Variants in TET1 observed in about 807,000 individuals in gnomAD.
The protein encoded by TET1 is tet methylcytosine dioxygenase 1.
Under a neutral mutation model 148.7 loss-of-function variants are expected in TET1, and 13 were observed. That is an observed-to-expected ratio of 0.09 (90% confidence interval 0.06 to 0.14). TET1 has a LOEUF of 0.14. TET1 is among the 10% of genes least tolerant of loss of function. TET1 has a pLI of 1.00. For synonymous variants in TET1, 907 were observed against 937.2 expected (o/e 0.97, Z 0.59); for missense variants, 2,182 against 2,553.8 (o/e 0.85, Z 3.14).
chr10:68,662,912 C>T (rs1272005984), intron 6 of TET1, among the ~76,000 whole-genome samples: 2 of 152,162 alleles, frequency 1.3e-5, no homozygotes, highest in Non-Finnish European at 2.9e-5. Flanking sequence ...CATAGTGAGA[C>T]ACTGTCTCCA....
rs887059652 is a variant in TET1, at chr10:68,692,311, A to G, written c.*497A>G. 8.6e-6 allele frequency: 2 copies of G among 232,670 alleles called. No homozygotes were observed. The highest frequency in any genetic ancestry group is 1.7e-5 in the Non-Finnish European group (2 of 117,616). 14.4% of individuals were successfully genotyped at this position (232,670 alleles called of 1,614,324 possible). ...TTCCAATCATTGCTAGAAAATTGGC[A>G]TATTCCTTTGAAATAAACTTATGAA... is the stretch of plus-strand genomic sequence containing the variant. On this transcript the variant is annotated 3_prime_UTR_variant, in exon 12 of 12. Transcript: ENST00000373644.
At position 68,644,717 on chromosome 10, in the gene TET1, C is replaced by T; in HGVS notation, c.1988C>T (p.Pro663Leu). Residue 663 changes from proline to leucine, a missense_variant, in exon 4 of 12, where the codon CCA becomes CTA. This residue lies in a region of TET1 where 226 missense variants were observed against 307.4 expected (regional missense o/e 0.74). Coordinates refer to ENST00000373644, the MANE Select transcript of TET1 (RefSeq NM_030625.3). ...TTACAGGCAGATTTTGACAACAAAC[C>T]AGTAAATGGCCCCAAGTCAGAATCC... Reference protein sequence around the residue: ...KVLKADFDNKPVNGPKSESMD... With the variant: ...KVLKADFDNKLVNGPKSESMD... 3 of 1,565,186 alleles carry T rather than the reference C, an allele frequency of 1.9e-6. No homozygotes were observed. Among genetic ancestry groups the T allele is most frequent in the African/African-American group, 2.8e-5 (2 of 72,710 alleles).
Position 68,692,813 on chromosome 10 carries a change from G to A in TET1, c.*999G>A. Reference sequence around the variant, plus strand: ...ACCTTTCTCAGTATAATCCATGAGAGGTGTTTCCAAAAGGAGATGAGGGAA... The same window carrying A: ...ACCTTTCTCAGTATAATCCATGAGAAGTGTTTCCAAAAGGAGATGAGGGAA... On this transcript the variant is annotated 3_prime_UTR_variant, in exon 12 of 12. Coordinates refer to ENST00000373644, the MANE Select transcript of TET1 (RefSeq NM_030625.3). 4.3e-6 allele frequency: 1 copy of A among 231,512 alleles called. No homozygotes were observed. The highest frequency in any genetic ancestry group is 8.5e-6 in the Non-Finnish European group (1 of 117,162). 14.3% of individuals were successfully genotyped at this position (231,512 alleles called of 1,614,324 possible).
chr10:68,567,243 A>AT (rs753982306), intron 1 of TET1, among the ~76,000 whole-genome samples: 1 of 152,200 alleles, frequency 6.6e-6, no homozygotes, highest in Non-Finnish European at 1.5e-5. Context: ...TCAGCTAAGT[A>AT]GTTCTCTGAA....
At chr10:68,578,876 G>C (rs1195786010) in intron 2 of TET1, among the ~76,000 whole-genome samples, 1 of 152,082 alleles carries the variant, frequency 6.6e-6, no homozygotes, top group Non-Finnish European at 1.5e-5. Flanking sequence ...AATTTGCCGG[G>C]CGTGATAGCT....
intron 2 of TET1, among the ~76,000 whole-genome samples, chr10:68,592,565 T>C (rs184124492): frequency 8.5e-5 from 13 of 152,204 alleles, no homozygotes; most frequent in Admixed American, 8.5e-4. Context: ...GTAACCTTGC[T>C]ACCCAAGTGG....
intron 6 of TET1, among the ~76,000 whole-genome samples, chr10:68,665,013 CCT>C (rs1188277829): frequency 6.6e-6 from 1 of 151,976 alleles, no homozygotes; most frequent in East Asian, 1.9e-4. Context: ...CTCAAGCAAT[CCT>C]CTCACCTCTA....
chr10:68,640,023 G>A (rs935846604), intron 3 of TET1, among the ~76,000 whole-genome samples: 1 of 151,732 alleles, frequency 6.6e-6, no homozygotes, highest in Non-Finnish European at 1.5e-5. Flanking sequence ...CTCCTCCCGA[G>A]TTCAAGCGAT....
intron 6 of TET1, among the ~76,000 whole-genome samples, chr10:68,660,851 A>G (rs2055098384): frequency 1.3e-5 from 2 of 151,258 alleles, no homozygotes; most frequent in Admixed American, 6.6e-5. Flanking sequence ...TTTAGTAGAC[A>G]TGGGGTTTCA....
At chr10:68,598,663 A>G (rs2054014827) in intron 2 of TET1, among the ~76,000 whole-genome samples, 2 of 150,964 alleles carry the variant, frequency 1.3e-5, no homozygotes, top group African/African-American at 4.9e-5. Context: ...AGAGTTGAGA[A>G]CACCATATTC....
At chr10:68,681,361 C>G (rs369072213) in intron 8 of TET1, 38 bp from the exon 9 acceptor site, 1 of 1,365,772 alleles carries the variant, frequency 7.3e-7, no homozygotes, top group Non-Finnish European at 1.0e-6. Context: ...CATGAAGGTG[C>G]GATTATAAAA....
Position 68,692,668 on chromosome 10 carries a change from T to C in TET1, c.*854T>C. 4.3e-6 allele frequency: 1 copy of C among 231,596 alleles called. No individual in the cohort carries two copies. The highest frequency in any genetic ancestry group is 8.6e-6 in the Non-Finnish European group (1 of 116,924). 14.3% of individuals were successfully genotyped at this position (231,596 alleles called of 1,614,324 possible). A position where few individuals can be genotyped will look rare whatever the true frequency, so the allele number is the denominator to read the frequency against. On this transcript the variant is annotated 3_prime_UTR_variant, in exon 12 of 12. Transcript: ENST00000373644. ...TATAAAATAGTTAGATAATGAGAAGTTGTTAATTATCTCTAAAATTGGAAT... is the reference window on the plus strand; with the variant it reads ...TATAAAATAGTTAGATAATGAGAAGCTGTTAATTATCTCTAAAATTGGAAT...
In TET1 at chr10:68,624,698, T is replaced by TTC. The variant is rs1475981426; in HGVS notation, c.1969-19998_1969-19997dup. Among the ~76,000 whole-genome samples the TTC allele has an allele frequency of 2.5e-5, 3 of 119,278 alleles. No homozygotes were observed. In the East Asian group the frequency reaches 7.5e-4, roughly 30 times the overall value. 78.3% of individuals were successfully genotyped at this position (119,278 alleles called of 152,430 possible). A position where few individuals can be genotyped will look rare whatever the true frequency, so the allele number is the denominator to read the frequency against. On this transcript the variant is annotated intron_variant, in intron 3 of 11. Coordinates refer to ENST00000373644, the MANE Select transcript of TET1 (RefSeq NM_030625.3). Reference sequence around the variant, plus strand: ...TCTCTCTCTCTCTCTCTCTCTCTCTTTCTTTCTTTTCCTTCCTTCTTTCTT... The same window carrying TTC: ...TCTCTCTCTCTCTCTCTCTCTCTCTTTCTCTTTCTTTTCCTTCCTTCTTTCTT...
intron 2 of TET1, among the ~76,000 whole-genome samples, chr10:68,588,020 G>A (rs150596274): frequency 0.017 from 2,571 of 151,998 alleles, 73 homozygotes; most frequent in African/African-American, 0.058. Flanking sequence ...GCACCATTAC[G>A]CCTGGCTAAT....
intron 2 of TET1, among the ~76,000 whole-genome samples, chr10:68,581,221 C>T (rs1253514295): frequency 1.3e-5 from 2 of 152,110 alleles, no homozygotes; most frequent in Non-Finnish European, 2.9e-5. Flanking sequence ...TGGAAAAAAA[C>T]TTAATTTGTC....
At chr10:68,677,920 A>G (rs1194332835) in intron 8 of TET1, among the ~76,000 whole-genome samples, 6 of 152,152 alleles carry the variant, frequency 3.9e-5, no homozygotes, top group African/African-American at 1.4e-4. Context: ...ATTGCAGACC[A>G]GTATTTTTTA....
At chr10:68,569,166 CTTTTTTTTTTTTT>C (rs34385747) in intron 1 of TET1, among the ~76,000 whole-genome samples, 3 of 69,778 alleles carry the variant, frequency 4.3e-5, no homozygotes, top group East Asian at 4.8e-4. Context: ...AGGAGAGTTT[CTTTTTTTTTTTTT>C]TTTTTTTTTT....
intron 11 of TET1, among the ~76,000 whole-genome samples, chr10:68,689,007 T>C (rs1264520478): frequency 1.3e-5 from 2 of 152,148 alleles, no homozygotes; most frequent in Non-Finnish European, 2.9e-5. Flanking sequence ...TACAGAGAAA[T>C]ACTGAGAAGA....
intron 7 of TET1, among the ~76,000 whole-genome samples, chr10:68,669,672 CAG>C (rs1331124801): frequency 2.0e-5 from 3 of 151,112 alleles, no homozygotes; most frequent in African/African-American, 4.9e-5. Flanking sequence ...TCTTTTAAGA[CAG>C]AGTCTCGCAC....
Sources: allele counts gnomAD v4.1 joint callset (sites outside exome capture counted in the v4.1 genomes callset), GRCh38; gene constraint gnomAD v4.1.1; regional missense constraint gnomAD v4.1.1; transcripts MANE v1.5; gene names NCBI Gene and HGNC (gene_info 2026-07-23, HGNC 2026-07-21).